The following FYN variants were observed in gnomAD, a reference collection of about 807,000 sequenced individuals.
FYN encodes the protein FYN proto-oncogene, Src family tyrosine kinase.
A neutral mutation model predicts 70.2 loss-of-function variants in FYN; 10 were observed. That is an observed-to-expected ratio of 0.14 (90% CI 0.09 to 0.24). The LOEUF (loss-of-function observed/expected upper bound fraction) is 0.24. Among genes scored for constraint, FYN ranks in the 10% least tolerant of loss-of-function variants. FYN has a pLI of 1.00. For missense variants in FYN, 319 were observed against 673.1 expected, an observed-to-expected ratio of 0.47 and a Z score of 5.82; for synonymous variants, 236 against 248.6, an observed-to-expected ratio of 0.95 and a Z score of 0.48.
intron 5 of FYN, 133 bp downstream of exon 5, chr6:111,714,214 T>C (rs1800515617): frequency 3.1e-6 from 2 of 636,596 alleles, no homozygotes; most frequent in Admixed American, 2.6e-5. Context: ...TCTCAAAGTA[T>C]ATTGTTGTAA....
At chr6:111,858,680 T>C (rs1562548053) in intron 1 of FYN, among the ~76,000 whole-genome samples, 1 of 152,056 alleles carries the variant, frequency 6.6e-6, no homozygotes, top group Non-Finnish European at 1.5e-5. Context: ...GTCCTCCCCT[T>C]GAAGTGATGG....
chr6:111,699,913 C>CTT lies in FYN; in HGVS notation c.862+189_862+190dup, dbSNP rs71021861. ...TTTGCCAATTTTGCCCACTTACTATCTTTTTTTTTTTTTTTTTTTTTTTTT... is the reference window on the plus strand; with the variant it reads ...TTTGCCAATTTTGCCCACTTACTATCTTTTTTTTTTTTTTTTTTTTTTTTTTT... On this transcript the variant is annotated intron_variant, in intron 9 of 13. Transcript: ENST00000354650. 888 of 186,296 alleles carry CTT rather than the reference C, an allele frequency of 4.8e-3. 5 individuals carry two copies. Among genetic ancestry groups the CTT allele is most frequent in the East Asian group, 0.011 (84 of 7,824 alleles). 11.5% of individuals were successfully genotyped at this position (186,296 alleles called of 1,614,324 possible).
At chr6:111,674,957 T>A (rs1798468377) in intron 12 of FYN, among the ~76,000 whole-genome samples, 1 of 152,206 alleles carries the variant, frequency 6.6e-6, no homozygotes, top group Non-Finnish European at 1.5e-5. Context: ...GATTTAGTCA[T>A]AATGCTGCTC....
chr6:111,665,412 C>T (rs1303881921), intron 13 of FYN, among the ~76,000 whole-genome samples: 1 of 151,956 alleles, frequency 6.6e-6, no homozygotes, highest in Non-Finnish European at 1.5e-5. Context: ...TCATTTTTTT[C>T]TTCTTAGATG....
intron 2 of FYN, among the ~76,000 whole-genome samples, chr6:111,803,800 C>T (rs146119808): frequency 1.1e-3 from 172 of 152,234 alleles, no homozygotes; most frequent in Non-Finnish European, 2.1e-3. Flanking sequence ...CAGCCAACAG[C>T]GCAAATGTAG....
intron 2 of FYN, among the ~76,000 whole-genome samples, chr6:111,812,379 T>G (rs897773336): frequency 1.3e-5 from 2 of 152,142 alleles, no homozygotes; most frequent in Non-Finnish European, 2.9e-5. Flanking sequence ...GGAGTGGGTT[T>G]AAGAGGGCTT....
At chr6:111,703,383 C>T (rs1374213992) in intron 7 of FYN, among the ~76,000 whole-genome samples, 1 of 152,196 alleles carries the variant, frequency 6.6e-6, no homozygotes, top group Non-Finnish European at 1.5e-5. Flanking sequence ...GAGCTTGCTT[C>T]CCTTGTCTTC....
chr6:111,753,077 A>C (rs1423958924), intron 3 of FYN, among the ~76,000 whole-genome samples: 1 of 152,246 alleles, frequency 6.6e-6, no homozygotes, highest in Non-Finnish European at 1.5e-5. Flanking sequence ...TCTCAATATC[A>C]ATTAGTCTTA....
At chr6:111,744,424 T>C (rs556092713) in intron 3 of FYN, among the ~76,000 whole-genome samples, 1 of 152,378 alleles carries the variant, frequency 6.6e-6, no homozygotes, top group East Asian at 1.9e-4. Context: ...CAGTGGTTTA[T>C]GCAGAAGACA....
rs77604699 is a variant in FYN at position 111,671,367 on chromosome 6, C to T, written c.1405+3132G>A. ...ATTGTCACTTCTGGACCTTCTTTCACGCTGGGCAAAGATGCCTGGAAAGCT... is the reference window on the plus strand; with the variant it reads ...ATTGTCACTTCTGGACCTTCTTTCATGCTGGGCAAAGATGCCTGGAAAGCT... On this transcript the variant is annotated intron_variant, in intron 13 of 13. Coordinates refer to ENST00000354650, the MANE Select transcript of FYN (RefSeq NM_002037.5). 1.4e-4 allele frequency among the ~76,000 whole-genome samples: 22 copies of T among 152,242 alleles called. No individual in the cohort carries two copies. The East Asian group carries it at 2.7e-3, about 19-fold the overall frequency.
intron 13 of FYN, among the ~76,000 whole-genome samples, chr6:111,668,851 C>T (rs866560499): frequency 4.6e-5 from 7 of 152,152 alleles, no homozygotes; most frequent in South Asian, 2.1e-4. Context: ...AGCTTTCATT[C>T]GGCTTCCCAG....
chr6:111,830,325 G>A (rs1317157133), intron 2 of FYN, among the ~76,000 whole-genome samples: 1 of 152,152 alleles, frequency 6.6e-6, no homozygotes, highest in South Asian at 2.1e-4. Context: ...AATAGTTTCT[G>A]GCAGAAATGG....
intron 3 of FYN, among the ~76,000 whole-genome samples, chr6:111,756,416 T>C (rs1270927028): frequency 7.2e-6 from 1 of 139,786 alleles, no homozygotes; most frequent in South Asian, 2.3e-4. Context: ...GAAAAAAAAG[T>C]AAAAAAAAAA....
At chr6:111,853,072 C>T (rs780666434) in intron 1 of FYN, among the ~76,000 whole-genome samples, 2 of 151,890 alleles carry the variant, frequency 1.3e-5, no homozygotes, top group Non-Finnish European at 2.9e-5. Flanking sequence ...CAGTTTTCCC[C>T]AAATCACCCA....
rs148755557 is a variant in FYN at position 111,677,583 on chromosome 6, C to T, written c.1274-2953G>A. On this transcript the variant is annotated intron_variant, in intron 12 of 13. Transcript: ENST00000354650. ...ACAGCATCCCTAAGGTTGTGTAGTA[C>T]ATAACCTATACAATCCCACAGATGT... Among the ~76,000 whole-genome samples, 87 of 152,318 alleles carry T rather than the reference C, an allele frequency of 5.7e-4. 1 individual carries two copies. Among genetic ancestry groups the T allele is most frequent in the South Asian group, 1.9e-3 (9 of 4,824 alleles).
chr6:111,710,711 T>A (rs565922317), intron 5 of FYN, among the ~76,000 whole-genome samples: 1 of 152,162 alleles, frequency 6.6e-6, no homozygotes, highest in South Asian at 2.1e-4. Flanking sequence ...GTTGAGCGAG[T>A]GAATTAAGTC....
intron 10 of FYN, among the ~76,000 whole-genome samples, chr6:111,695,265 G>A (rs1799524732): frequency 6.6e-6 from 1 of 152,214 alleles, no homozygotes; most frequent in South Asian, 2.1e-4. Flanking sequence ...TAAAGTTTGA[G>A]ACTCACTAGC....
At chr6:111,675,765 C>G (rs1295151830) in intron 12 of FYN, among the ~76,000 whole-genome samples, 1 of 151,170 alleles carries the variant, frequency 6.6e-6, no homozygotes, top group African/African-American at 2.4e-5. Flanking sequence ...TATACTCCAG[C>G]CTAGGTGACA....
intron 3 of FYN, among the ~76,000 whole-genome samples, chr6:111,750,473 G>A (rs770421533): frequency 3.9e-5 from 6 of 152,128 alleles, no homozygotes; most frequent in South Asian, 4.1e-4. Context: ...GCAGAACCAC[G>A]AGCCAATTAT....
Sources: allele counts gnomAD v4.1 joint callset (sites outside exome capture counted in the v4.1 genomes callset), GRCh38; gene constraint gnomAD v4.1.1; transcripts MANE v1.5; gene names NCBI Gene and HGNC (gene_info 2026-07-23, HGNC 2026-07-21).